The following TRPM3 variants were observed in gnomAD, a reference collection of about 807,000 sequenced individuals.
The protein encoded by TRPM3 is transient receptor potential cation channel subfamily M member 3, also known as long transient receptor potential channel 3.
A neutral mutation model predicts 181.2 loss-of-function variants in TRPM3; 77 were observed. The ratio of observed to expected loss-of-function variants is 0.42; its 90% CI spans 0.35 to 0.51. The LOEUF (loss-of-function observed/expected upper bound fraction) is 0.51. TRPM3 is among the 20% of genes least tolerant of loss of function. TRPM3 has a pLI of 0.01. For synonymous variants in TRPM3, 745 were observed against 796.4 expected, an observed-to-expected ratio of 0.94 and a Z score of 1.09; for missense variants, 1,759 against 2,196.7, an observed-to-expected ratio of 0.80 and a Z score of 3.98.
chr9:71,143,153 T>A (rs1312104739), intron 1 of TRPM3, among the ~76,000 whole-genome samples: 2 of 149,824 alleles, frequency 1.3e-5, no homozygotes, highest in Non-Finnish European at 1.5e-5. Context: ...AAAAAAGAAG[T>A]TTTTTGTTTC....
At position 70,867,705 on chromosome 9, in the gene TRPM3, T is replaced by C. The variant is rs2095681708; in HGVS notation, c.178-3194A>G. Among the ~76,000 whole-genome samples the C allele has an allele frequency of 2.0e-5, 3 of 152,098 alleles. No homozygotes were observed. The South Asian group carries it at 6.2e-4, about 31-fold the overall frequency. On this transcript the variant is annotated intron_variant, in intron 1 of 25. Transcript: ENST00000677713. The stretch of plus-strand genomic sequence containing the variant: ...AGACACAATAGAAAGAATGCAGGTA[T>C]AACACATGAATTAGGAATTCTCCAA...
intron 25 of TRPM3, among the ~76,000 whole-genome samples, chr9:70,547,551 A>C (rs974416094): frequency 7.1e-6 from 1 of 140,520 alleles, no homozygotes; most frequent in African/African-American, 2.5e-5. Flanking sequence ...AAAAAAAAAA[A>C]AACCCAACAA....
chr9:70,698,003 T>C (rs1255308463), intron 8 of TRPM3, among the ~76,000 whole-genome samples: 1 of 151,858 alleles, frequency 6.6e-6, no homozygotes, highest in African/African-American at 2.4e-5. Flanking sequence ...AGGTCAGGAG[T>C]TCGAGACCAG....
At chr9:71,295,395 T>C (rs1273150009) in intron 1 of TRPM3, among the ~76,000 whole-genome samples, 1 of 150,790 alleles carries the variant, frequency 6.6e-6, no homozygotes, top group Non-Finnish European at 1.5e-5. Context: ...TGATTAACTA[T>C]GATAAAAGAT....
chr9:71,420,635 AAAAG>A (rs1161747777), intron 1 of TRPM3, among the ~76,000 whole-genome samples: 4 of 137,526 alleles, frequency 2.9e-5, no homozygotes, highest in African/African-American at 8.1e-5. Context: ...AAGAAAAAGA[AAAAG>A]AGAGAGAAAG....
At position 71,004,449 on chromosome 9, in the gene TRPM3, G is replaced by T. The variant is rs57368357; in HGVS notation, c.177+116729C>A. Among the ~76,000 whole-genome samples the T allele has an allele frequency of 3.5e-3, 526 of 152,330 alleles. 5 individuals carry two copies. The highest frequency in any genetic ancestry group is 0.012 in the African/African-American group (511 of 41,572). ...ATCCGGGAAGCAACCGCAGAATGGC[G>T]GTTAAGCTCCAGTGTTAAGTAGTAA... On this transcript the variant is annotated intron_variant, in intron 1 of 25. Coordinates refer to ENST00000677713, the MANE Select transcript of TRPM3 (RefSeq NM_001366145.2).
At chr9:71,211,335 T>C (rs2079487203) in intron 1 of TRPM3, among the ~76,000 whole-genome samples, 2 of 150,238 alleles carry the variant, frequency 1.3e-5, no homozygotes, top group Admixed American at 1.4e-4. Flanking sequence ...TTTCTTTCAT[T>C]TGTTACTGTT....
intron 1 of TRPM3, among the ~76,000 whole-genome samples, chr9:71,312,041 T>C (rs1030269667): frequency 1.3e-5 from 2 of 152,116 alleles, no homozygotes; most frequent in Admixed American, 1.3e-4. Flanking sequence ...CCAAAAGCAC[T>C]ATCCATGACA....
chr9:70,802,354 T>C (rs2131246135), intron 6 of TRPM3, among the ~76,000 whole-genome samples: 1 of 152,324 alleles, frequency 6.6e-6, no homozygotes, highest in South Asian at 2.1e-4. Context: ...TGGACTCTTG[T>C]AACTACTCAA....
At chr9:71,340,253 G>A (rs1250399566) in intron 1 of TRPM3, among the ~76,000 whole-genome samples, 1 of 152,164 alleles carries the variant, frequency 6.6e-6, no homozygotes, top group Non-Finnish European at 1.5e-5. Flanking sequence ...AAATCCAGTA[G>A]TGCTGGGCTG....
intron 3 of TRPM3, among the ~76,000 whole-genome samples, chr9:70,851,988 G>A (rs775537826): frequency 2.4e-4 from 36 of 151,478 alleles, no homozygotes; most frequent in African/African-American, 6.8e-4. Context: ...GTGCAGTGGC[G>A]CGCACCTGTA....
intron 1 of TRPM3, among the ~76,000 whole-genome samples, chr9:71,353,191 A>ACATGTT (rs553209258): frequency 3.2e-4 from 48 of 151,840 alleles, no homozygotes; most frequent in Non-Finnish European, 5.7e-4. Context: ...CCCCACCCTC[A>ACATGTT]CATGTTCTGA....
At chr9:71,327,295 C>A (rs1179462270) in intron 1 of TRPM3, among the ~76,000 whole-genome samples, 1 of 152,186 alleles carries the variant, frequency 6.6e-6, no homozygotes, top group Non-Finnish European at 1.5e-5. Context: ...TGAACGACTG[C>A]CAATGCCATT....
chr9:71,077,886 T>G (rs1011326542), intron 1 of TRPM3, among the ~76,000 whole-genome samples: 5 of 151,260 alleles, frequency 3.3e-5, no homozygotes, highest in Admixed American at 1.3e-4. Flanking sequence ...TTAATTCAAC[T>G]CATAATCATT....
Position 70,625,404 on chromosome 9 carries a change from A to G in TRPM3, c.1669-73T>C. ...GTTTACTAGGGATTCTACTTCACGT[A>G]TTCTGTAACTAGAGTAAAAAAAAAA... On this transcript the variant is annotated intron_variant, in intron 13 of 25. Transcript: ENST00000677713. The surrounding 1 kb of genome is among the most constrained non-coding windows in gnomAD (Gnocchi z 4.8). 6.2e-7 allele frequency: 1 copy of G among 1,600,654 alleles called. No homozygotes were observed. The highest frequency in any genetic ancestry group is 8.5e-7 in the Non-Finnish European group (1 of 1,173,844).
intron 1 of TRPM3, among the ~76,000 whole-genome samples, chr9:71,065,577 C>A (rs1299910648): frequency 6.6e-6 from 1 of 152,082 alleles, no homozygotes; most frequent in African/African-American, 2.4e-5. Context: ...ATTTTTAGGG[C>A]ATATTATTAA....
chr9:71,100,447 C>T (rs1418111789), intron 1 of TRPM3, among the ~76,000 whole-genome samples: 2 of 152,148 alleles, frequency 1.3e-5, no homozygotes, highest in Non-Finnish European at 2.9e-5. Flanking sequence ...AATCCCAGCT[C>T]ATCACAACAG....
At chr9:70,766,656 G>A (rs1283018644) in intron 7 of TRPM3, among the ~76,000 whole-genome samples, 2 of 152,212 alleles carry the variant, frequency 1.3e-5, no homozygotes, top group Non-Finnish European at 2.9e-5. Flanking sequence ...AAAGTTGCAT[G>A]TCTTGCCTGA....
intron 22 of TRPM3, among the ~76,000 whole-genome samples, chr9:70,569,838 G>A (rs2051708387): frequency 6.6e-6 from 1 of 151,904 alleles, no homozygotes; most frequent in South Asian, 2.1e-4. Flanking sequence ...TTAATTAATT[G>A]ATATATGTAT....
Sources: gnomAD v4.1 joint callset for allele counts (sites outside exome capture counted in the v4.1 genomes callset) on GRCh38, gnomAD v4.1.1 for gene constraint, Gnocchi (gnomAD v3.1) non-coding constraint, MANE v1.5 for transcripts, NCBI Gene and HGNC (gene_info 2026-07-23, HGNC 2026-07-21) for gene names.